The following IGF2BP3 variants were observed in gnomAD, a reference collection of about 807,000 sequenced individuals.
The protein encoded by IGF2BP3 is insulin like growth factor 2 mRNA binding protein 3.
Under a neutral mutation model 73.8 loss-of-function variants are expected in IGF2BP3, and 9 were observed. The observed-to-expected ratio is 0.12, with a 90% CI of 0.07 to 0.21. The LOEUF is 0.21. IGF2BP3 is among the 10% of genes least tolerant of loss of function. The pLI is 1.00. For missense variants in IGF2BP3, 542 were observed against 714.0 expected, an observed-to-expected ratio of 0.76 and a Z score of 2.75; for synonymous variants, 258 against 256.7, an observed-to-expected ratio of 1.01 and a Z score of -0.05.
At chr7:23,364,003 C>T (rs1719723042) in intron 3 of IGF2BP3, among the ~76,000 whole-genome samples, 1 of 152,230 alleles carries the variant, frequency 6.6e-6, no homozygotes, top group Non-Finnish European at 1.5e-5. Context: ...CTTTGGGAAG[C>T]CATGGCGGGT....
chr7:23,355,987 G>A (rs1050392698), intron 5 of IGF2BP3, among the ~76,000 whole-genome samples: 3 of 151,572 alleles, frequency 2.0e-5, no homozygotes, highest in African/African-American at 4.9e-5. Context: ...AGAGCTGAAT[G>A]GGCCTCAATA....
chr7:23,448,530 G>A (rs1166687978), intron 2 of IGF2BP3, among the ~76,000 whole-genome samples: 1 of 152,098 alleles, frequency 6.6e-6, no homozygotes, highest in East Asian at 1.9e-4. Context: ...AGCCTCCCAA[G>A]TAGCTGGGAC....
intron 3 of IGF2BP3, among the ~76,000 whole-genome samples, chr7:23,405,664 C>T (rs925705643): frequency 3.9e-5 from 6 of 152,230 alleles, no homozygotes; most frequent in South Asian, 4.2e-4. Flanking sequence ...GAACTGCGCA[C>T]GCGAGGGATC....
At chr7:23,343,394 C>T (rs1037569454) in intron 9 of IGF2BP3, among the ~76,000 whole-genome samples, 18 of 152,162 alleles carry the variant, frequency 1.2e-4, no homozygotes, top group Non-Finnish European at 1.6e-4. Flanking sequence ...GTTCATGTAA[C>T]ATTTCTTCTA....
chr7:23,393,612 C>T (rs978461538), intron 3 of IGF2BP3, among the ~76,000 whole-genome samples: 2 of 152,136 alleles, frequency 1.3e-5, no homozygotes, highest in African/African-American at 2.4e-5. Flanking sequence ...GTTTCTCAGA[C>T]GATGAACCAT....
intron 3 of IGF2BP3, among the ~76,000 whole-genome samples, chr7:23,393,187 C>CTG (rs1786339631): frequency 6.6e-6 from 1 of 152,192 alleles, no homozygotes; most frequent in African/African-American, 2.4e-5. Flanking sequence ...ACCTACAGAA[C>CTG]TGTGCTATCA....
chr7:23,435,062 G>A (rs1465907065), intron 2 of IGF2BP3, among the ~76,000 whole-genome samples: 10 of 151,908 alleles, frequency 6.6e-5, no homozygotes, highest in East Asian at 1.9e-4. Flanking sequence ...TTGAGAGGCC[G>A]AGGCAGGTGG....
At chr7:23,324,363 T>C (rs1402401769) in intron 10 of IGF2BP3, among the ~76,000 whole-genome samples, 5 of 151,874 alleles carry the variant, frequency 3.3e-5, no homozygotes, top group African/African-American at 9.7e-5. Context: ...CTCCCAAGAC[T>C]AAGCCAGGAA....
chr7:23,382,894 C>CAA (rs57466793), intron 3 of IGF2BP3, among the ~76,000 whole-genome samples: 13,349 of 48,668 alleles, frequency 0.27, 2,067 homozygotes, highest in East Asian at 0.68. Flanking sequence ...CTAGCTCTAC[C>CAA]AAAAAAAAAA....
intron 2 of IGF2BP3, among the ~76,000 whole-genome samples, chr7:23,428,519 GAA>G (rs144236446): frequency 0.069 from 10,033 of 145,506 alleles, 979 homozygotes; most frequent in African/African-American, 0.22. Flanking sequence ...CTGTATAAAA[GAA>G]AAAAAAAATA....
At chr7:23,398,603 T>G (rs1183545206) in intron 3 of IGF2BP3, among the ~76,000 whole-genome samples, 4 of 152,214 alleles carry the variant, frequency 2.6e-5, no homozygotes, top group Non-Finnish European at 5.9e-5. Context: ...ATGATTGCCA[T>G]TTTAACTGGT....
chr7:23,460,732 C>G (rs1788431406), intron 2 of IGF2BP3, among the ~76,000 whole-genome samples: 1 of 152,074 alleles, frequency 6.6e-6, no homozygotes, highest in South Asian at 2.1e-4. Context: ...GGTGGATCAC[C>G]TGAGGTCAGG....
chr7:23,363,869 T>C (rs1378323307), intron 3 of IGF2BP3, among the ~76,000 whole-genome samples: 2 of 152,252 alleles, frequency 1.3e-5, no homozygotes, highest in African/African-American at 4.8e-5. Context: ...AGACACATTT[T>C]ATAAACGCCA....
chr7:23,441,481 G>C (rs1256064663), intron 2 of IGF2BP3, among the ~76,000 whole-genome samples: 2 of 149,416 alleles, frequency 1.3e-5, no homozygotes, highest in African/African-American at 4.9e-5. Flanking sequence ...GCTGAGGCAG[G>C]AGAATCGCTT....
intron 3 of IGF2BP3, among the ~76,000 whole-genome samples, chr7:23,390,990 G>A (rs140509361): frequency 0.018 from 2,785 of 151,630 alleles, 94 homozygotes; most frequent in African/African-American, 0.064. Flanking sequence ...GTAGAGACAG[G>A]GTTTAGCCAT....
chr7:23,364,598 C>T (rs190329526), intron 3 of IGF2BP3, among the ~76,000 whole-genome samples: 4 of 136,806 alleles, frequency 2.9e-5, no homozygotes, highest in South Asian at 2.3e-4. Context: ...TGGGGGGTGG[C>T]GGTGCAGTGG....
chr7:23,312,129 T>G lies in IGF2BP3; in HGVS notation c.*233A>C. 20 of 404,168 alleles carry G rather than the reference T, an allele frequency of 4.9e-5. No homozygotes were observed. The highest frequency in any genetic ancestry group is 7.1e-5 in the Non-Finnish European group (16 of 224,410). The allele number at this position is 404,168 out of a possible 1,614,324, so 25.0% of individuals were successfully genotyped here. A position where few individuals can be genotyped will look rare whatever the true frequency, so the allele number is the denominator to read the frequency against. On this transcript the variant is annotated 3_prime_UTR_variant, in exon 15 of 15. Transcript: ENST00000258729. ...TCTCTTTCCCTCCCTCCCCCACCCT[T>G]TTTTTGTTTGTTTGTTTGTTTGTTT...
chr7:23,392,144 C>T (rs1786296720), intron 3 of IGF2BP3, among the ~76,000 whole-genome samples: 2 of 152,236 alleles, frequency 1.3e-5, no homozygotes, highest in African/African-American at 4.8e-5. Flanking sequence ...GACTACTCTT[C>T]TCTGCATTCA....
chr7:23,356,917 T>C (rs938705334), intron 5 of IGF2BP3, among the ~76,000 whole-genome samples: 4 of 152,142 alleles, frequency 2.6e-5, no homozygotes, highest in Admixed American at 6.5e-5. Context: ...GAAACTGTGG[T>C]GAGGATCCAA....
Sources: gnomAD v4.1 joint callset for allele counts (sites outside exome capture counted in the v4.1 genomes callset) on GRCh38, gnomAD v4.1.1 for gene constraint, MANE v1.5 for transcripts, NCBI Gene and HGNC (gene_info 2026-07-23, HGNC 2026-07-21) for gene names.